The following NBEA variants were observed in gnomAD, a reference collection of about 807,000 sequenced individuals.
The protein encoded by NBEA is lysosomal-trafficking regulator 2.
Under a neutral mutation model 343.4 loss-of-function variants are expected in NBEA, and 44 were observed. That is an observed-to-expected ratio of 0.13 (90% CI 0.10 to 0.16). The LOEUF is 0.16. Ranked by LOEUF, NBEA falls within the 10% of genes least tolerant of loss-of-function variation. The pLI is 1.00. For synonymous variants in NBEA, 1,175 were observed against 1,238.7 expected (o/e 0.95, Z 1.08); for missense variants, 2,555 against 3,631.3 (o/e 0.70, Z 7.62).
chr13:35,151,136 G>T (rs1018954370), intron 18 of NBEA, among the ~76,000 whole-genome samples: 1 of 142,294 alleles, frequency 7.0e-6, no homozygotes, highest in Non-Finnish European at 1.5e-5. Flanking sequence ...AAAAAGAAAA[G>T]AAATTTGTTA....
intron 10 of NBEA, among the ~76,000 whole-genome samples, chr13:35,093,537 G>A (rs146541210): frequency 5.3e-5 from 8 of 151,968 alleles, no homozygotes; most frequent in Non-Finnish European, 8.8e-5. Flanking sequence ...GGGCTTGGGT[G>A]AAAGTGGAGC....
intron 48 of NBEA, among the ~76,000 whole-genome samples, chr13:35,608,110 G>C (rs577773881): frequency 2.6e-5 from 4 of 151,888 alleles, no homozygotes; most frequent in South Asian, 4.2e-4. Flanking sequence ...TACTTTTAAC[G>C]TACTTTATTT....
chr13:35,422,117 G>A (rs760766925), intron 38 of NBEA, among the ~76,000 whole-genome samples: 2 of 82,412 alleles, frequency 2.4e-5, no homozygotes, highest in Non-Finnish European at 5.0e-5. Flanking sequence ...TAGATTCTTC[G>A]TTCTTTCACA....
chr13:35,370,335 CTGATA>C (rs1169181667), intron 38 of NBEA, among the ~76,000 whole-genome samples: 1 of 151,802 alleles, frequency 6.6e-6, no homozygotes, highest in African/African-American at 2.4e-5. Context: ...TCTGTTTTAT[CTGATA>C]TAAGTATGGC....
intron 41 of NBEA, 97 bp downstream of exon 41, chr13:35,472,633 C>T (rs2075704395): frequency 3.4e-6 from 4 of 1,186,646 alleles, no homozygotes; most frequent in Non-Finnish European, 5.0e-6. Context: ...AGGAGGGGAG[C>T]ACATTCTCCT....
intron 40 of NBEA, among the ~76,000 whole-genome samples, chr13:35,470,270 G>A (rs1383661250): frequency 6.6e-6 from 1 of 152,164 alleles, no homozygotes; most frequent in African/African-American, 2.4e-5. Flanking sequence ...CAGAAACACA[G>A]AGAAGTAGAG....
chr13:34,979,337 TG>T, intron 1 of NBEA, among the ~76,000 whole-genome samples: 1 of 152,274 alleles, frequency 6.6e-6, no homozygotes, highest in South Asian at 2.1e-4. Context: ...CTGGCCAACA[TG>T]GTGAAACCCC....
At chr13:35,034,114 T>C (rs1380867641) in intron 1 of NBEA, among the ~76,000 whole-genome samples, 1 of 151,620 alleles carries the variant, frequency 6.6e-6, no homozygotes, top group Non-Finnish European at 1.5e-5. Flanking sequence ...TAGTTTTTCG[T>C]TTTTCCCCAT....
At chr13:34,960,568 T>C (rs2059630532) in intron 1 of NBEA, among the ~76,000 whole-genome samples, 2 of 152,110 alleles carry the variant, frequency 1.3e-5, no homozygotes, top group South Asian at 4.1e-4. Flanking sequence ...TGTTAAGTGT[T>C]CTCTACAGGT....
In NBEA at chr13:35,461,443, A is replaced by G. The variant is rs571494331; in HGVS notation, c.6448+9208A>G. Reference sequence around the variant, plus strand: ...ACCAATCTGGAGAATGGGGCAATAAATAACTAACTTACCAGGAAACCATAT... The same window carrying G: ...ACCAATCTGGAGAATGGGGCAATAAGTAACTAACTTACCAGGAAACCATAT... On this transcript the variant is annotated intron_variant, in intron 40 of 58. Coordinates refer to ENST00000379939, the MANE Select transcript of NBEA (RefSeq NM_001385012.1). Among the ~76,000 whole-genome samples, 13 of 152,342 alleles carry G rather than the reference A, an allele frequency of 8.5e-5. No individual in the cohort carries two copies. In the South Asian group the frequency reaches 2.7e-3, roughly 32 times the overall value.
intron 36 of NBEA, among the ~76,000 whole-genome samples, chr13:35,319,487 T>C (rs1209855069): frequency 1.3e-5 from 2 of 152,210 alleles, no homozygotes; most frequent in East Asian, 1.9e-4. Context: ...TTCTTTTGCA[T>C]TGGCTGAGGA....
At chr13:35,133,708 T>C (rs543799393) in intron 17 of NBEA, among the ~76,000 whole-genome samples, 1 of 152,188 alleles carries the variant, frequency 6.6e-6, no homozygotes, top group East Asian at 1.9e-4. Flanking sequence ...ATAATAATGA[T>C]GCAATTTATT....
chr13:35,282,131 G>T (rs1184619477), intron 34 of NBEA, among the ~76,000 whole-genome samples: 1 of 151,818 alleles, frequency 6.6e-6, no homozygotes, highest in Admixed American at 6.6e-5. Context: ...TGTTAGCCAG[G>T]ATGATATCCT....
In NBEA at chr13:35,500,711, C is replaced by CTTTTTTTTTTTTTTTTTTTT; in HGVS notation, c.6585+28177_6585+28178insTTTTTTTTTTTTTTTTTTTT. On this transcript the variant is annotated intron_variant, in intron 41 of 58. Coordinates refer to ENST00000379939, the MANE Select transcript of NBEA (RefSeq NM_001385012.1). ...TCACTCCTCGTGCTCTTTCCTGGCT[C>CTTTTTTTTTTTTTTTTTTTT]TTCTTTTTTTTTTTTTTTTGAAAAC... Among the ~76,000 whole-genome samples, 2 of 17,110 alleles carry CTTTTTTTTTTTTTTTTTTTT rather than the reference C, an allele frequency of 1.2e-4. 1 individual carries two copies. Among genetic ancestry groups the CTTTTTTTTTTTTTTTTTTTT allele is most frequent in the Admixed American group, 1.3e-3 (2 of 1,560 alleles). The allele number at this position is 17,110 out of a possible 152,430, so 11.2% of individuals were successfully genotyped here. A position where few individuals can be genotyped will look rare whatever the true frequency, so the allele number is the denominator to read the frequency against.
At chr13:35,011,880 A>AT (rs1482485416) in intron 1 of NBEA, among the ~76,000 whole-genome samples, 1 of 152,100 alleles carries the variant, frequency 6.6e-6, no homozygotes, top group South Asian at 2.1e-4. Flanking sequence ...ATTCTTTGTG[A>AT]TTTTTTACTA....
chr13:35,130,207 G>A (rs1308520499), intron 17 of NBEA, among the ~76,000 whole-genome samples: 2 of 152,028 alleles, frequency 1.3e-5, no homozygotes, highest in Non-Finnish European at 2.9e-5. Flanking sequence ...ATTTTACTGA[G>A]AACCTAAAAC....
chr13:35,452,492 C>T (rs778350438), intron 40 of NBEA, among the ~76,000 whole-genome samples: 4 of 152,080 alleles, frequency 2.6e-5, no homozygotes, highest in Non-Finnish European at 5.9e-5. Flanking sequence ...AGGAATAATA[C>T]ACAGTATCAG....
intron 39 of NBEA, among the ~76,000 whole-genome samples, chr13:35,439,146 A>C (rs2045598565): frequency 6.6e-6 from 1 of 152,216 alleles, no homozygotes; most frequent in Non-Finnish European, 1.5e-5. Context: ...TCTAATTGGT[A>C]GAAACCAGGA....
intron 48 of NBEA, among the ~76,000 whole-genome samples, chr13:35,623,756 G>C (rs1284495369): frequency 6.6e-6 from 1 of 151,914 alleles, no homozygotes; most frequent in Non-Finnish European, 1.5e-5. Flanking sequence ...GACTTACAAG[G>C]CTTATGGAAA....
Sources: gnomAD v4.1 joint callset for allele counts (sites outside exome capture counted in the v4.1 genomes callset) on GRCh38, gnomAD v4.1.1 for gene constraint, MANE v1.5 for transcripts, NCBI Gene and HGNC (gene_info 2026-07-23, HGNC 2026-07-21) for gene names.